Variants in SEPTIN11 observed in about 807,000 individuals in gnomAD.
SEPTIN11 encodes the protein septin-11.
In SEPTIN11, 25 loss-of-function variants were observed where a neutral mutation model predicts 51.4. The ratio of observed to expected loss-of-function variants is 0.49; its 90% CI spans 0.35 to 0.68. The LOEUF (loss-of-function observed/expected upper bound fraction) is 0.68, where lower values mean the gene tolerates loss of function less well. Ranked by LOEUF, SEPTIN11 falls within the 30% of genes least tolerant of loss-of-function variation. The probability of loss-of-function intolerance (pLI) is 0.00; values close to 1 mark genes in which losing one functional copy is unlikely to be tolerated. For synonymous variants in SEPTIN11, 174 were observed against 184.1 expected, an observed-to-expected ratio of 0.95 and a Z score of 0.44; for missense variants, 381 against 520.8, an observed-to-expected ratio of 0.73 and a Z score of 2.61.
rs1324842750 is a variant in SEPTIN11, at chr4:77,005,589, G to T, written c.143-12G>T. On this transcript the variant is annotated splice_polypyrimidine_tract_variant and intron_variant, in intron 2 of 9. Transcript: ENST00000264893. ...TGACACATTCTCTGATTTTTCTTTT[G>T]TGGTTATGTAGGTGAGACAGGCATT... 3.1e-6 allele frequency: 5 copies of T among 1,602,222 alleles called. No individual in the cohort carries two copies. The highest frequency in any genetic ancestry group is 2.2e-5 in the South Asian group (2 of 89,516).
intron 2 of SEPTIN11, among the ~76,000 whole-genome samples, chr4:76,997,929 T>G (rs565736113): frequency 2.6e-5 from 4 of 152,246 alleles, no homozygotes; most frequent in Admixed American, 6.5e-5. Flanking sequence ...TAAGAACATG[T>G]CTGAGAGTTC....
At chr4:76,998,764 G>A (rs1392688998) in intron 2 of SEPTIN11, among the ~76,000 whole-genome samples, 2 of 152,038 alleles carry the variant, frequency 1.3e-5, no homozygotes, top group Non-Finnish European at 2.9e-5. Flanking sequence ...CCTCATGACA[G>A]CAGTCTGGCT....
In SEPTIN11 at chr4:77,016,599, CAT is replaced by C. The variant is rs1291542782; in HGVS notation, c.687+1594_687+1595del. Among the ~76,000 whole-genome samples, 621 of 62,426 alleles carry C rather than the reference CAT, an allele frequency of 9.9e-3. 14 individuals carry two copies. Among genetic ancestry groups the C allele is most frequent in the African/African-American group, 0.031 (571 of 18,232 alleles). 41.0% of individuals were successfully genotyped at this position (62,426 alleles called of 152,430 possible). On this transcript the variant is annotated intron_variant, in intron 5 of 9. Transcript: ENST00000264893. ...TATATATAGCATATATATACACACA[CAT>C]ATATATATATACACATATATATATA...
At chr4:76,963,632 G>C (rs908788432) in intron 1 of SEPTIN11, among the ~76,000 whole-genome samples, 1 of 152,158 alleles carries the variant, frequency 6.6e-6, no homozygotes, top group Non-Finnish European at 1.5e-5. Context: ...TTGAAATGTG[G>C]CTGGGATAGC....
intron 1 of SEPTIN11, among the ~76,000 whole-genome samples, chr4:76,983,461 A>C (rs572061292): frequency 1.4e-4 from 22 of 152,288 alleles, no homozygotes; most frequent in African/African-American, 5.3e-4. Flanking sequence ...CAGAGCCTTG[A>C]GAGGACAACC....
At chr4:76,986,373 G>A (rs1288795575) in intron 1 of SEPTIN11, among the ~76,000 whole-genome samples, 1 of 152,000 alleles carries the variant, frequency 6.6e-6, no homozygotes, top group African/African-American at 2.4e-5. Flanking sequence ...AGGAAGCCCA[G>A]CAGAGGAGAT....
intron 4 of SEPTIN11, among the ~76,000 whole-genome samples, chr4:77,014,546 T>G (rs1725079644): frequency 6.6e-6 from 1 of 152,148 alleles, no homozygotes; most frequent in Non-Finnish European, 1.5e-5. Flanking sequence ...AAGTATACTT[T>G]CAGTGCAGGA....
At chr4:76,998,312 T>C (rs1050557089) in intron 2 of SEPTIN11, among the ~76,000 whole-genome samples, 2 of 152,176 alleles carry the variant, frequency 1.3e-5, no homozygotes, top group African/African-American at 4.8e-5. Flanking sequence ...GAGATAACAC[T>C]GTGGGATCCT....
At chr4:76,975,933 TA>T (rs1722480238) in intron 1 of SEPTIN11, among the ~76,000 whole-genome samples, 1 of 152,218 alleles carries the variant, frequency 6.6e-6, no homozygotes, top group Middle Eastern at 3.2e-3. Context: ...GGTAACACTA[TA>T]AAGAAAAACA....
At chr4:76,975,155 T>G (rs1467053987) in intron 1 of SEPTIN11, among the ~76,000 whole-genome samples, 1 of 145,014 alleles carries the variant, frequency 6.9e-6, no homozygotes, top group African/African-American at 2.5e-5. Flanking sequence ...AAAAAAGAAA[T>G]GTAAGCCCTT....
rs979486214 is a variant in SEPTIN11 at position 77,035,271 on chromosome 4, C to T, written c.*759C>T. 1 of 985,250 alleles carries T rather than the reference C, an allele frequency of 1.0e-6. No homozygotes were observed. The highest frequency in any genetic ancestry group is 1.7e-5 in the African/African-American group (1 of 57,208). The allele number at this position is 985,250 out of a possible 1,614,324, so 61.0% of individuals were successfully genotyped here. A position where few individuals can be genotyped will look rare whatever the true frequency, so the allele number is the denominator to read the frequency against. Reference sequence around the variant, plus strand: ...AGGTCTTAAAGGTTGGATCATGTAACATTGCTTAGTAGAAGAATCTTCTTC... The same window carrying T: ...AGGTCTTAAAGGTTGGATCATGTAATATTGCTTAGTAGAAGAATCTTCTTC... On this transcript the variant is annotated 3_prime_UTR_variant, in exon 10 of 10. Transcript: ENST00000264893.
At chr4:77,011,969 T>A in intron 4 of SEPTIN11, 48 bp downstream of exon 4, 1 of 1,506,792 alleles carries the variant, frequency 6.6e-7, no homozygotes, top group Non-Finnish European at 9.2e-7. Context: ...TTAGATCTTC[T>A]TTATCCTAAT....
rs140106371 is a variant in SEPTIN11, at chr4:77,033,889, C to T, written c.1275-608C>T. On this transcript the variant is annotated intron_variant, in intron 9 of 9. Coordinates refer to ENST00000264893, the MANE Select transcript of SEPTIN11 (RefSeq NM_018243.4). ...GTTGCCTAAAATTAGACACGTGGAC[C>T]GTGGGTTTGGCATTACTTTGTACCT... Among the ~76,000 whole-genome samples, 598 of 152,232 alleles carry T rather than the reference C, an allele frequency of 3.9e-3. 3 individuals carry two copies. Among genetic ancestry groups the T allele is most frequent in the Middle Eastern group, 0.01 (3 of 294 alleles).
intron 1 of SEPTIN11, among the ~76,000 whole-genome samples, chr4:76,986,945 G>A (rs1723064298): frequency 6.6e-6 from 1 of 152,014 alleles, no homozygotes; most frequent in Non-Finnish European, 1.5e-5. Context: ...CAGCCCCAAA[G>A]AAAACCCCCA....
At chr4:76,997,855 G>A (rs1004902726) in intron 2 of SEPTIN11, among the ~76,000 whole-genome samples, 1 of 152,088 alleles carries the variant, frequency 6.6e-6, no homozygotes, top group Non-Finnish European at 1.5e-5. Flanking sequence ...AATTGTAATC[G>A]CAGGCCAATT....
chr4:77,032,748 G>C (rs2109987935), intron 9 of SEPTIN11, among the ~76,000 whole-genome samples: 1 of 152,344 alleles, frequency 6.6e-6, no homozygotes, highest in South Asian at 2.1e-4. Flanking sequence ...AATGTTAAAA[G>C]AGTATTTCGT....
At chr4:76,967,475 G>T (rs112005699) in intron 1 of SEPTIN11, among the ~76,000 whole-genome samples, 20 of 152,254 alleles carry the variant, frequency 1.3e-4, no homozygotes, top group African/African-American at 4.3e-4. Context: ...TAAACTGCTG[G>T]AAAAACACAT....
chr4:77,019,299 AG>A (rs1319709717), intron 6 of SEPTIN11, 38 bp downstream of exon 6: 1 of 1,520,650 alleles, frequency 6.6e-7, no homozygotes, highest in African/African-American at 1.4e-5. Flanking sequence ...CTTCATATTT[AG>A]CCCCTATGTG....
At chr4:77,027,481 T>A (rs1645659678) in intron 7 of SEPTIN11, among the ~76,000 whole-genome samples, 1 of 152,234 alleles carries the variant, frequency 6.6e-6, no homozygotes, top group Non-Finnish European at 1.5e-5. Flanking sequence ...TCATTATAGA[T>A]GTGTGTATCT....
Sources: gnomAD v4.1 joint callset for allele counts (sites outside exome capture counted in the v4.1 genomes callset) on GRCh38, gnomAD v4.1.1 for gene constraint, MANE v1.5 for transcripts, NCBI Gene and HGNC (gene_info 2026-07-23, HGNC 2026-07-21) for gene names.